Variants in TOP2B observed in about 807,000 individuals in gnomAD.
TOP2B encodes DNA topoisomerase II beta.
In TOP2B, 51 loss-of-function variants were observed where a neutral mutation model predicts 193.5. The observed-to-expected ratio is 0.26, with a 90% CI of 0.21 to 0.33. The LOEUF (loss-of-function observed/expected upper bound fraction) is 0.33. Ranked by LOEUF, TOP2B falls within the 10% of genes least tolerant of loss-of-function variation. The pLI, the probability that TOP2B is intolerant of heterozygous loss-of-function variation, is 1.00. For missense variants in TOP2B, 1,378 were observed against 1,909.3 expected, an observed-to-expected ratio of 0.72 and a Z score of 5.19; for synonymous variants, 634 against 635.7, an observed-to-expected ratio of 1.00 and a Z score of 0.04.
chr3:25,641,372 T>A (rs1010022370), intron 4 of TOP2B, among the ~76,000 whole-genome samples: 1 of 152,184 alleles, frequency 6.6e-6, no homozygotes, highest in African/African-American at 2.4e-5. Context: ...ATATGGTTTT[T>A]AACTGACAAT....
chr3:25,646,271 A>G (rs1299635351), intron 1 of TOP2B, among the ~76,000 whole-genome samples: 2 of 152,204 alleles, frequency 1.3e-5, no homozygotes, highest in Admixed American at 1.3e-4. Flanking sequence ...GTTAATAAAC[A>G]CTGATATGAC....
chr3:25,618,893 T>C, intron 23 of TOP2B, 44 bp from the exon 24 acceptor site: 3 of 1,371,934 alleles, frequency 2.2e-6, no homozygotes, highest in Non-Finnish European at 3.0e-6. Context: ...AGATCTGTAC[T>C]GGTATTTTAA....
At position 25,617,632 on chromosome 3, in the gene TOP2B, T is replaced by C. The variant is rs148337692; in HGVS notation, c.3351+786A>G. 4.1e-3 allele frequency among the ~76,000 whole-genome samples: 624 copies of C among 152,308 alleles called. 8 individuals carry two copies. The highest frequency in any genetic ancestry group is 0.014 in the African/African-American group (588 of 41,578). On this transcript the variant is annotated intron_variant, in intron 25 of 35. Coordinates refer to ENST00000264331, the MANE Select transcript of TOP2B (RefSeq NM_001330700.2). ...CTATGTTTTAAAGATGTTAATGTTA[T>C]GGAATCATATATGCACAAAATAATC...
intron 21 of TOP2B, among the ~76,000 whole-genome samples, chr3:25,621,755 A>G (rs112935731): frequency 0.33 from 50,082 of 151,914 alleles, 8,873 homozygotes; most frequent in African/African-American, 0.46. Flanking sequence ...TTGGGAGGCC[A>G]AAGCAGGCGG....
At chr3:25,641,894 A>G (rs1703274809) in intron 4 of TOP2B, among the ~76,000 whole-genome samples, 1 of 152,192 alleles carries the variant, frequency 6.6e-6, no homozygotes, top group Non-Finnish European at 1.5e-5. Context: ...CCACAGTAAT[A>G]TAATTAGCTA....
intron 23 of TOP2B, among the ~76,000 whole-genome samples, chr3:25,619,077 A>G (rs574520503): frequency 2.6e-5 from 4 of 152,192 alleles, no homozygotes; most frequent in Non-Finnish European, 2.9e-5. Context: ...CAACAAAAGT[A>G]TTTAGGAATA....
chr3:25,614,004 G>T (rs1702444164), intron 27 of TOP2B, among the ~76,000 whole-genome samples: 1 of 152,186 alleles, frequency 6.6e-6, no homozygotes, highest in South Asian at 2.1e-4. Context: ...GTGTACAATA[G>T]ATATTCAATT....
intron 1 of TOP2B, among the ~76,000 whole-genome samples, chr3:25,649,126 A>C (rs963229843): frequency 6.6e-6 from 1 of 152,242 alleles, no homozygotes; most frequent in Non-Finnish European, 1.5e-5. Context: ...GTAACAGTAG[A>C]CTTGAGCAGG....
chr3:25,603,414 T>C (rs945703363), intron 33 of TOP2B, among the ~76,000 whole-genome samples: 4 of 152,092 alleles, frequency 2.6e-5, no homozygotes, highest in African/African-American at 9.7e-5. Flanking sequence ...GGCTAATTTT[T>C]GTATTTTTAG....
At chr3:25,610,082 C>A (rs191193530) in intron 28 of TOP2B, among the ~76,000 whole-genome samples, 8 of 151,982 alleles carry the variant, frequency 5.3e-5, no homozygotes, top group Non-Finnish European at 1.2e-4. Context: ...AATCCTGTAA[C>A]CCCAGCTACT....
intron 7 of TOP2B, 105 bp from the exon 8 acceptor site, chr3:25,634,119 T>C (rs1703036242): frequency 2.4e-6 from 2 of 841,662 alleles, no homozygotes; most frequent in Non-Finnish European, 3.6e-6. Context: ...CTTACAACAG[T>C]TCTAAGTGCA....
chr3:25,635,633 A>G (rs958344564), intron 7 of TOP2B, among the ~76,000 whole-genome samples: 1 of 132,934 alleles, frequency 7.5e-6, no homozygotes, highest in African/African-American at 3.1e-5. Flanking sequence ...ACTTGAAGAG[A>G]GGGGATAGAA....
At chr3:25,638,382 T>C (rs1238923162) in intron 4 of TOP2B, 72 bp from the exon 5 acceptor site, 1 of 1,271,052 alleles carries the variant, frequency 7.9e-7, no homozygotes, top group South Asian at 1.9e-5. Context: ...ATAGTAAAGA[T>C]AAATTAATTC....
At chr3:25,622,226 A>G (rs1233050216) in intron 21 of TOP2B, among the ~76,000 whole-genome samples, 1 of 152,220 alleles carries the variant, frequency 6.6e-6, no homozygotes, top group Non-Finnish European at 1.5e-5. Context: ...GATCAAATAC[A>G]CTATCTTAAC....
intron 10 of TOP2B, 108 bp downstream of exon 10, chr3:25,632,338 A>G (rs1400367981): frequency 1.1e-6 from 1 of 926,566 alleles, no homozygotes. Context: ...GCATGCTTAT[A>G]CCCACAGTTA....
chr3:25,609,844 C>G (rs942380265), intron 28 of TOP2B, 132 bp from the exon 29 acceptor site: 6 of 818,544 alleles, frequency 7.3e-6, no homozygotes, highest in Non-Finnish European at 8.8e-6. Flanking sequence ...GAGGTCCTAA[C>G]AGCTGACTTT....
At chr3:25,611,900 TTTTTG>T (rs947357065) in intron 28 of TOP2B, among the ~76,000 whole-genome samples, 11 of 151,906 alleles carry the variant, frequency 7.2e-5, no homozygotes, top group Admixed American at 1.3e-4. Context: ...TTTTTGGAGG[TTTTTG>T]TTTTGTTTTG....
intron 25 of TOP2B, among the ~76,000 whole-genome samples, chr3:25,617,761 T>C (rs991559300): frequency 2.0e-5 from 3 of 152,212 alleles, no homozygotes; most frequent in Non-Finnish European, 4.4e-5. Flanking sequence ...CTTTTAGTTA[T>C]ACAAAACATC....
chr3:25,607,208 A>G lies in TOP2B; in HGVS notation c.4261T>C (p.Tyr1421His). 1.2e-6 allele frequency: 2 copies of G among 1,612,546 alleles called. No individual in the cohort carries two copies. The highest frequency in any genetic ancestry group is 1.7e-6 in the Non-Finnish European group (2 of 1,179,144). Residue 1421 changes from tyrosine (Y) to histidine (H), a missense_variant, in exon 31 of 36, where the codon TAT (tyrosine) becomes CAT (histidine). Physicochemically the swap from Tyr to His is moderately conservative, Grantham distance 83 (BLOSUM62 2). Around this residue, in one of 9 missense-constraint regions of TOP2B, gnomAD observed 556 missense variants for 584.2 expected, o/e 0.95. Transcript: ENST00000264331. ...VPSDGLDKDE[Y>H]TFSPGKSKAT... ...TTTGATTTGCCTGGTGAAAATGTAT[A>G]TTCATCTTTATCTAACCCATCTGAA...
Sources: gnomAD v4.1 joint callset for allele counts (sites outside exome capture counted in the v4.1 genomes callset) on GRCh38, gnomAD v4.1.1 for gene constraint, gnomAD v4.1.1 regional missense constraint, MANE v1.5 for transcripts, NCBI Gene and HGNC (gene_info 2026-07-23, HGNC 2026-07-21) for gene names.